Variants in CNTNAP2 observed in about 807,000 individuals in gnomAD.
The protein encoded by CNTNAP2 is contactin associated protein 2.
Under a neutral mutation model 155.2 loss-of-function variants are expected in CNTNAP2, and 98 were observed. That is an observed-to-expected ratio of 0.63 (90% CI 0.54 to 0.75). CNTNAP2 has a LOEUF of 0.75. Ranked by LOEUF, CNTNAP2 falls within the 30% of genes least tolerant of loss-of-function variation. The pLI, the probability that CNTNAP2 is intolerant of heterozygous loss-of-function variation, is 0.00. For synonymous variants in CNTNAP2, 651 were observed against 631.2 expected, an observed-to-expected ratio of 1.03 and a Z score of -0.47; for missense variants, 1,727 against 1,688.1, an observed-to-expected ratio of 1.02 and a Z score of -0.40.
In CNTNAP2 at chr7:147,639,330, T is replaced by C. The variant is rs369269246; in HGVS notation, c.2098+24T>C. 1.4e-4 allele frequency: 221 copies of C among 1,605,870 alleles called. No individual in the cohort carries two copies. The African/African-American group carries it at 2.4e-3, about 17-fold the overall frequency. ...AGGTAGGCTGAGAATGGAATGTTAC[T>C]TTTAATCACTATCTCAGCTGGTGCT... On this transcript the variant is annotated intron_variant, in intron 13 of 23. Transcript: ENST00000361727.
chr7:147,221,759 G>T (rs924954601), intron 8 of CNTNAP2, among the ~76,000 whole-genome samples: 1 of 152,136 alleles, frequency 6.6e-6, no homozygotes, highest in African/African-American at 2.4e-5. Flanking sequence ...AGGATGTTTT[G>T]CAAAGCAGGT....
chr7:147,949,658 G>A (rs1198410024), intron 14 of CNTNAP2, among the ~76,000 whole-genome samples: 2 of 152,042 alleles, frequency 1.3e-5, no homozygotes, highest in African/African-American at 2.4e-5. Context: ...GACCTCAGCA[G>A]CATTCTAATG....
At chr7:147,116,241 G>A (rs891510785) in intron 5 of CNTNAP2, among the ~76,000 whole-genome samples, 4 of 152,182 alleles carry the variant, frequency 2.6e-5, no homozygotes, top group African/African-American at 7.2e-5. Flanking sequence ...TGGCCCAAGT[G>A]TGCCTGGAGG....
At chr7:146,600,559 G>A (rs549067492) in intron 1 of CNTNAP2, among the ~76,000 whole-genome samples, 4 of 151,968 alleles carry the variant, frequency 2.6e-5, no homozygotes, top group South Asian at 2.1e-4. Context: ...ATATCTGTTT[G>A]TAATGTTTTG....
chr7:146,149,879 GAAAAAAAA>G (rs377385260), intron 1 of CNTNAP2, among the ~76,000 whole-genome samples: 1 of 59,514 alleles, frequency 1.7e-5, no homozygotes, highest in Non-Finnish European at 3.3e-5. Flanking sequence ...TAGCCACAAA[GAAAAAAAA>G]AAAAAAAAAA....
intron 1 of CNTNAP2, among the ~76,000 whole-genome samples, chr7:146,188,344 A>T (rs1486850478): frequency 6.6e-6 from 1 of 152,224 alleles, no homozygotes; most frequent in Non-Finnish European, 1.5e-5. Flanking sequence ...AACTCAAAGT[A>T]TATTAAGGCT....
At chr7:148,083,331 G>T (rs1042592429) in intron 15 of CNTNAP2, among the ~76,000 whole-genome samples, 15 of 152,166 alleles carry the variant, frequency 9.9e-5, no homozygotes, top group Admixed American at 7.9e-4. Context: ...ATGACATAAG[G>T]TTGCAGAGTG....
chr7:147,454,838 T>G (rs533262151), intron 10 of CNTNAP2, among the ~76,000 whole-genome samples: 25 of 152,194 alleles, frequency 1.6e-4, no homozygotes, highest in African/African-American at 5.8e-4. Flanking sequence ...ACTGCAACTT[T>G]AAGAAAAGAG....
At chr7:148,317,079 G>C (rs562071059) in intron 21 of CNTNAP2, among the ~76,000 whole-genome samples, 1 of 152,340 alleles carries the variant, frequency 6.6e-6, no homozygotes, top group South Asian at 2.1e-4. Context: ...ATGCCAGCCA[G>C]GCACAGTGGC....
chr7:147,198,773 C>G (rs1027863003), intron 8 of CNTNAP2, among the ~76,000 whole-genome samples: 2 of 151,928 alleles, frequency 1.3e-5, no homozygotes, highest in African/African-American at 2.4e-5. Flanking sequence ...TTGTATTTAT[C>G]AAGGAAAGAC....
At chr7:146,510,852 TTTTG>T (rs1348980818) in intron 1 of CNTNAP2, among the ~76,000 whole-genome samples, 7 of 152,268 alleles carry the variant, frequency 4.6e-5, no homozygotes, top group East Asian at 3.9e-4. Flanking sequence ...ACTGTACTAA[TTTTG>T]TTTATCAGCT....
intron 15 of CNTNAP2, among the ~76,000 whole-genome samples, chr7:148,065,455 A>G (rs1803238200): frequency 6.6e-6 from 1 of 152,016 alleles, no homozygotes; most frequent in South Asian, 2.1e-4. Context: ...TTATTGTCCA[A>G]ATTTGGGATC....
intron 3 of CNTNAP2, among the ~76,000 whole-genome samples, chr7:146,915,126 A>G (rs924951772): frequency 6.6e-6 from 1 of 151,842 alleles, no homozygotes; most frequent in African/African-American, 2.4e-5. Flanking sequence ...TCAGTTGACT[A>G]TAAGTATTTG....
At chr7:146,324,827 C>T (rs983059256) in intron 1 of CNTNAP2, among the ~76,000 whole-genome samples, 15 of 151,416 alleles carry the variant, frequency 9.9e-5, no homozygotes, top group Admixed American at 2.6e-4. Flanking sequence ...AAAACCAAAA[C>T]GAAAACGAAC....
In CNTNAP2 at chr7:146,904,283, C is replaced by T. The variant is rs1008761608; in HGVS notation, c.402+64379C>T. On this transcript the variant is annotated intron_variant, in intron 3 of 23. Transcript: ENST00000361727. ...TTGCTTCTCCTTGGACCTCTATACA[C>T]GTCACCTTTTCAGATAGAACATCCC... is the stretch of plus-strand genomic sequence containing the variant. Among the ~76,000 whole-genome samples, 63 of 152,226 alleles carry T rather than the reference C, an allele frequency of 4.1e-4. 1 individual carries two copies. Among genetic ancestry groups the T allele is most frequent in the African/African-American group, 8.7e-4 (36 of 41,546 alleles).
At chr7:147,572,081 T>G (rs1800305010) in intron 12 of CNTNAP2, among the ~76,000 whole-genome samples, 1 of 152,202 alleles carries the variant, frequency 6.6e-6, no homozygotes, top group Non-Finnish European at 1.5e-5. Flanking sequence ...CTCATACAGC[T>G]TCAATTGAAA....
intron 11 of CNTNAP2, among the ~76,000 whole-genome samples, chr7:147,543,788 C>T (rs1256831190): frequency 6.6e-6 from 1 of 152,124 alleles, no homozygotes; most frequent in Non-Finnish European, 1.5e-5. Flanking sequence ...TGGCGAGCCT[C>T]AGGATTCCAT....
At chr7:146,479,134 G>T (rs1466855391) in intron 1 of CNTNAP2, among the ~76,000 whole-genome samples, 1 of 152,164 alleles carries the variant, frequency 6.6e-6, no homozygotes, top group Non-Finnish European at 1.5e-5. Flanking sequence ...CCTTGTCTGT[G>T]CCTAGGAAAA....
intron 15 of CNTNAP2, among the ~76,000 whole-genome samples, chr7:148,043,764 GTTAA>G (rs2116482619): frequency 6.6e-6 from 1 of 152,268 alleles, no homozygotes; most frequent in African/African-American, 2.4e-5. Context: ...AAACCCCTGT[GTTAA>G]TTATTCTTTC....
Sources: gnomAD v4.1 joint callset for allele counts (sites outside exome capture counted in the v4.1 genomes callset) on GRCh38, gnomAD v4.1.1 for gene constraint, MANE v1.5 for transcripts, NCBI Gene and HGNC (gene_info 2026-07-23, HGNC 2026-07-21) for gene names.